Variants in DPP10 observed in about 807,000 individuals in gnomAD.
DPP10 encodes dipeptidyl peptidase like 10.
Under a neutral mutation model 120.9 loss-of-function variants are expected in DPP10, and 33 were observed. The observed-to-expected ratio is 0.27, with a 90% confidence interval of 0.21 to 0.37. The LOEUF is 0.37. DPP10 is among the 10% of genes least tolerant of loss of function. The pLI is 1.00. For synonymous variants in DPP10, 337 were observed against 326.1 expected (o/e 1.03, Z -0.36); for missense variants, 816 against 942.8 (o/e 0.87, Z 1.76).
chr2:115,622,264 A>G (rs2085008329), intron 5 of DPP10, among the ~76,000 whole-genome samples: 1 of 152,090 alleles, frequency 6.6e-6, no homozygotes, highest in South Asian at 2.1e-4. Context: ...ACATTTCACA[A>G]AAAATGGTAT....
chr2:115,800,687 T>C (rs1685112425), intron 19 of DPP10, among the ~76,000 whole-genome samples: 1 of 152,210 alleles, frequency 6.6e-6, no homozygotes, highest in Non-Finnish European at 1.5e-5. Context: ...ATTTGTTAAA[T>C]AGGGAATCCT....
At chr2:114,991,748 T>C (rs1700765974) in intron 1 of DPP10, among the ~76,000 whole-genome samples, 1 of 152,204 alleles carries the variant, frequency 6.6e-6, no homozygotes, top group Non-Finnish European at 1.5e-5. Flanking sequence ...CAGAACCATT[T>C]TGAGAGCTTT....
intron 1 of DPP10, among the ~76,000 whole-genome samples, chr2:114,578,497 CT>C (rs199718454): frequency 0.01 from 1,522 of 152,130 alleles, 28 homozygotes; most frequent in African/African-American, 0.034. Context: ...TTCTCCATTC[CT>C]TTTTTTCCTT....
At chr2:114,652,365 T>G (rs1301404462) in intron 1 of DPP10, among the ~76,000 whole-genome samples, 2 of 152,094 alleles carry the variant, frequency 1.3e-5, no homozygotes, top group African/African-American at 4.8e-5. Context: ...CCAGAGAAAT[T>G]TTATCAAAGT....
chr2:115,022,889 T>C (rs984070928), intron 1 of DPP10, among the ~76,000 whole-genome samples: 1 of 152,052 alleles, frequency 6.6e-6, no homozygotes, highest in Non-Finnish European at 1.5e-5. Context: ...AACAAAAGCA[T>C]GTAGTGGGGA....
intron 2 of DPP10, among the ~76,000 whole-genome samples, chr2:115,311,512 A>T (rs2061575574): frequency 6.6e-6 from 1 of 152,166 alleles, no homozygotes; most frequent in Non-Finnish European, 1.5e-5. Flanking sequence ...AAAATATTTA[A>T]CCTGAAGTTA....
intron 1 of DPP10, among the ~76,000 whole-genome samples, chr2:114,955,676 CAT>C (rs1402099487): frequency 6.6e-6 from 1 of 152,134 alleles, no homozygotes; most frequent in Non-Finnish European, 1.5e-5. Flanking sequence ...CCCTGATAAA[CAT>C]AGGTGCAAAC....
chr2:114,546,930 C>G (rs557288291), intron 1 of DPP10, among the ~76,000 whole-genome samples: 4 of 152,314 alleles, frequency 2.6e-5, no homozygotes, highest in African/African-American at 9.6e-5. Flanking sequence ...TATTCTTATT[C>G]TGATCCCCAG....
chr2:114,743,798 G>A (rs1417024783), intron 1 of DPP10, among the ~76,000 whole-genome samples: 1 of 152,048 alleles, frequency 6.6e-6, no homozygotes, highest in Non-Finnish European at 1.5e-5. Context: ...CACATGGGAA[G>A]TGCTTAATAC....
chr2:115,281,723 C>T (rs1030316472), intron 1 of DPP10, among the ~76,000 whole-genome samples: 1 of 152,088 alleles, frequency 6.6e-6, no homozygotes, highest in African/African-American at 2.4e-5. Flanking sequence ...TTAATCCACA[C>T]AGTAAGAGCC....
chr2:115,824,358 G>T (rs1688101421), intron 21 of DPP10, among the ~76,000 whole-genome samples: 1 of 152,038 alleles, frequency 6.6e-6, no homozygotes, highest in Admixed American at 6.6e-5. Flanking sequence ...GAATGTGCAG[G>T]TTTGTTACGT....
At chr2:115,194,247 G>A (rs1315429908) in intron 1 of DPP10, among the ~76,000 whole-genome samples, 2 of 151,604 alleles carry the variant, frequency 1.3e-5, no homozygotes, top group South Asian at 2.1e-4. Context: ...TTTTTGAGAC[G>A]GAGCTTCGCT....
At chr2:115,090,963 G>A (rs891086009) in intron 1 of DPP10, among the ~76,000 whole-genome samples, 23 of 152,164 alleles carry the variant, frequency 1.5e-4, no homozygotes, top group South Asian at 8.3e-4. Flanking sequence ...GGCTGATACC[G>A]TTTAGATTTA....
At chr2:115,539,250 A>G (rs1051593138) in intron 5 of DPP10, among the ~76,000 whole-genome samples, 10 of 152,140 alleles carry the variant, frequency 6.6e-5, no homozygotes, top group African/African-American at 2.4e-4. Context: ...TATGGGAAGA[A>G]TAATAGATAT....
chr2:115,378,988 A>G (rs528397227), intron 3 of DPP10, among the ~76,000 whole-genome samples: 40 of 152,338 alleles, frequency 2.6e-4, no homozygotes, highest in Middle Eastern at 3.4e-3. Flanking sequence ...ATCAATGTTC[A>G]TCAAGGATAT....
chr2:115,262,006 A>G (rs2059272512), intron 1 of DPP10, among the ~76,000 whole-genome samples: 1 of 152,162 alleles, frequency 6.6e-6, no homozygotes, highest in African/African-American at 2.4e-5. Flanking sequence ...CCCTCCAAAG[A>G]GAGAATCCTT....
chr2:114,838,226 G>A (rs1196572579), intron 1 of DPP10, among the ~76,000 whole-genome samples: 1 of 152,196 alleles, frequency 6.6e-6, no homozygotes, highest in African/African-American at 2.4e-5. Context: ...GCACATGGAT[G>A]GATACCTGGT....
At chr2:114,459,107 G>A (rs1166703535) in intron 1 of DPP10, among the ~76,000 whole-genome samples, 1 of 152,100 alleles carries the variant, frequency 6.6e-6, no homozygotes, top group African/African-American at 2.4e-5. Context: ...AAATGTTAAG[G>A]AATGTATAAC....
At chr2:115,605,697 A>C (rs1191575012) in intron 5 of DPP10, among the ~76,000 whole-genome samples, 1 of 151,994 alleles carries the variant, frequency 6.6e-6, no homozygotes, top group Non-Finnish European at 1.5e-5. Flanking sequence ...ACAAAAGTAA[A>C]ATTTACTCTC....
Sources: allele counts gnomAD v4.1 joint callset (sites outside exome capture counted in the v4.1 genomes callset), GRCh38; gene constraint gnomAD v4.1.1; transcripts MANE v1.5; gene names NCBI Gene and HGNC (gene_info 2026-07-23, HGNC 2026-07-21).